Variants in CTIF observed in about 807,000 individuals in gnomAD.
CTIF encodes cap binding complex dependent translation initiation factor, also known as CBP80/20-dependent translation initiation factor.
A neutral mutation model predicts 66.0 loss-of-function variants in CTIF; 21 were observed. The observed-to-expected ratio is 0.32, with a 90% CI of 0.23 to 0.46. CTIF has a LOEUF of 0.46. Among genes scored for constraint, CTIF ranks in the 20% least tolerant of loss-of-function variants. The pLI is 1.00. For synonymous variants in CTIF, 345 were observed against 326.4 expected (o/e 1.06, Z -0.62); for missense variants, 739 against 812.7 (o/e 0.91, Z 1.10).
chr18:48,761,521 GAACTCCAC>G lies in CTIF; in HGVS notation c.1204_1211del (p.Asn402GlnfsTer137). The G allele has an allele frequency of 6.2e-7, 1 of 1,614,202 alleles. No individual in the cohort carries two copies. Among genetic ancestry groups the G allele is most frequent in the Non-Finnish European group, 8.5e-7 (1 of 1,180,036 alleles). ...TCACCACCTTCATGGAGGAGGCCCA[GAACTCCAC>G]CAACTCCGAGGAGATGCTGGGCGAG... On this transcript the variant is annotated frameshift_variant, in exon 9 of 12. Transcript: ENST00000256413. LOFTEE classifies it high-confidence loss of function. The surrounding 1 kb of genome is among the most constrained non-coding windows in gnomAD (Gnocchi z 4.2).
intron 9 of CTIF, among the ~76,000 whole-genome samples, chr18:48,815,559 T>A (rs1163647688): frequency 6.6e-6 from 1 of 152,228 alleles, no homozygotes; most frequent in African/African-American, 2.4e-5. Flanking sequence ...ATATACTTTT[T>A]TGTAACTGAT....
Position 48,744,536 on chromosome 18 carries a change from T to G in CTIF, c.585-13383T>G, listed in dbSNP as rs529731763. Among the ~76,000 whole-genome samples, 30 of 152,308 alleles carry G rather than the reference T, an allele frequency of 2.0e-4. No homozygotes were observed. The South Asian group carries it at 6.0e-3, about 31-fold the overall frequency. ...AGTTTCCTGTGATGTTAACATTTTA[T>G]CCTTCTCTCTCTCGTATACATTTTT... On this transcript the variant is annotated intron_variant, in intron 7 of 11. Coordinates refer to ENST00000256413, the MANE Select transcript of CTIF (RefSeq NM_014772.3).
At chr18:48,728,834 A>G (rs1328047164) in intron 7 of CTIF, among the ~76,000 whole-genome samples, 1 of 152,188 alleles carries the variant, frequency 6.6e-6, no homozygotes, top group African/African-American at 2.4e-5. Context: ...CCCTTCTGCC[A>G]TATTCCATTG....
intron 9 of CTIF, among the ~76,000 whole-genome samples, chr18:48,776,020 A>T (rs571455711): frequency 6.6e-6 from 1 of 152,326 alleles, no homozygotes; most frequent in African/African-American, 2.4e-5. Context: ...CTTCTACCTC[A>T]AGAGGCGTGA....
intron 6 of CTIF, among the ~76,000 whole-genome samples, chr18:48,709,991 A>AG (rs1381411200): frequency 6.6e-6 from 1 of 152,230 alleles, no homozygotes; most frequent in African/African-American, 2.4e-5. Context: ...CATAACTCCA[A>AG]GGTCCCTGTG....
chr18:48,738,752 C>G (rs1391058117), intron 7 of CTIF, among the ~76,000 whole-genome samples: 1 of 152,196 alleles, frequency 6.6e-6, no homozygotes, highest in East Asian at 1.9e-4. Flanking sequence ...TGGCATTCTC[C>G]ATGGTGCATT....
intron 10 of CTIF, among the ~76,000 whole-genome samples, chr18:48,849,412 G>A (rs1263134012): frequency 6.6e-6 from 1 of 151,546 alleles, no homozygotes; most frequent in Non-Finnish European, 1.5e-5. Context: ...TGTCCAGGCT[G>A]GTCTTAAACT....
chr18:48,630,361 CT>C (rs1184769443), intron 2 of CTIF, among the ~76,000 whole-genome samples: 1 of 152,186 alleles, frequency 6.6e-6, no homozygotes, highest in Non-Finnish European at 1.5e-5. Flanking sequence ...TTCATGATTT[CT>C]TTTGTCGCTT....
At chr18:48,852,817 C>T (rs1210470929) in intron 10 of CTIF, among the ~76,000 whole-genome samples, 1 of 152,168 alleles carries the variant, frequency 6.6e-6, no homozygotes, top group Non-Finnish European at 1.5e-5. Flanking sequence ...ATTGCTGGGT[C>T]AGAGGGTTTT....
At chr18:48,670,831 C>A in intron 6 of CTIF, 87 bp downstream of exon 6, 2 of 1,153,174 alleles carry the variant, frequency 1.7e-6, no homozygotes, top group Non-Finnish European at 1.3e-6. Flanking sequence ...CCAAAGCACT[C>A]CTTCTGGCTG....
chr18:48,613,636 G>A (rs1372113615), intron 1 of CTIF, among the ~76,000 whole-genome samples: 1 of 152,230 alleles, frequency 6.6e-6, no homozygotes, highest in African/African-American at 2.4e-5. Context: ...GCAGCAGGAG[G>A]TGGGGAGTCC....
At chr18:48,785,968 A>G (rs1446872546) in intron 9 of CTIF, among the ~76,000 whole-genome samples, 2 of 152,076 alleles carry the variant, frequency 1.3e-5, no homozygotes, top group Non-Finnish European at 1.5e-5. Flanking sequence ...CCTCACAGCA[A>G]CCCCGCCAGG....
intron 9 of CTIF, among the ~76,000 whole-genome samples, chr18:48,796,380 G>A (rs1031563441): frequency 1.3e-5 from 2 of 152,060 alleles, no homozygotes; most frequent in African/African-American, 4.8e-5. Flanking sequence ...GTTTCACCAT[G>A]TTAGCCAGGA....
chr18:48,624,549 G>A (rs923008018), intron 2 of CTIF, among the ~76,000 whole-genome samples: 4 of 152,246 alleles, frequency 2.6e-5, no homozygotes, highest in Non-Finnish European at 4.4e-5. Context: ...CACATGTGAT[G>A]TTCGTGGATG....
At chr18:48,693,675 G>A (rs949842108) in intron 6 of CTIF, among the ~76,000 whole-genome samples, 10 of 152,218 alleles carry the variant, frequency 6.6e-5, no homozygotes, top group Admixed American at 3.3e-4. Flanking sequence ...GGAAGACACT[G>A]CTGCCAAATG....
chr18:48,565,971 G>A (rs1261217109), intron 1 of CTIF: 3 of 152,320 alleles, frequency 2.0e-5, no homozygotes, highest in African/African-American at 4.8e-5. Context: ...GGCTGAGGGT[G>A]GGCATGAGGC....
chr18:48,565,088 AAAT>A (rs2089249606), intron 1 of CTIF: 1 of 100,322 alleles, frequency 1.0e-5, no homozygotes. Context: ...TGGTCATGTT[AAAT>A]AATTTTGCAT....
chr18:48,588,797 C>T (rs898692409), intron 1 of CTIF, among the ~76,000 whole-genome samples: 2 of 152,220 alleles, frequency 1.3e-5, no homozygotes, highest in African/African-American at 2.4e-5. Context: ...TCTCTTTACC[C>T]TTCCCCATCT....
At chr18:48,757,789 T>G in intron 7 of CTIF, 130 bp from the exon 8 acceptor site, 1 of 1,260,478 alleles carries the variant, frequency 7.9e-7, no homozygotes, top group Non-Finnish European at 1.1e-6. Context: ...TAGAAGGTGC[T>G]CAGGAAGTGT....
Sources: allele counts gnomAD v4.1 joint callset (sites outside exome capture counted in the v4.1 genomes callset), GRCh38; gene constraint gnomAD v4.1.1; non-coding constraint Gnocchi (gnomAD v3.1); transcripts MANE v1.5; gene names NCBI Gene and HGNC (gene_info 2026-07-23, HGNC 2026-07-21).